Variants in ASB9 observed in about 807,000 individuals in gnomAD.
ASB9 encodes ankyrin repeat and SOCS box containing 9, also known as ankyrin repeat and SOCS box protein 9.
Under a neutral mutation model 16.6 loss-of-function variants are expected in ASB9, and 5 were observed. The observed-to-expected ratio is 0.30, with a 90% confidence interval of 0.16 to 0.63. ASB9 has a LOEUF of 0.63. Ranked by LOEUF, ASB9 falls within the 30% of genes least tolerant of loss-of-function variation. The pLI is 0.82. For synonymous variants in ASB9, 100 were observed against 86.4 expected (o/e 1.16, Z -0.87); for missense variants, 216 against 229.4 (o/e 0.94, Z 0.38).
chrX:15,246,304 C>T (rs781073363), intron 6 of ASB9, among the ~76,000 whole-genome samples: 38 of 112,048 alleles, frequency 3.4e-4, no homozygotes, highest in African/African-American at 1.1e-3. Flanking sequence ...AGCTTCAAGT[C>T]CATAGACACA....
chrX:15,258,083 T>C (rs1925719746), intron 2 of ASB9, among the ~76,000 whole-genome samples: 1 of 112,053 alleles, frequency 8.9e-6, no homozygotes. Context: ...TACTGTATCA[T>C]GTCACTGAGT....
chrX:15,247,862 C>T (rs983980322), intron 6 of ASB9, among the ~76,000 whole-genome samples: 1 of 111,957 alleles, frequency 8.9e-6, no homozygotes, highest in Admixed American at 9.5e-5. Flanking sequence ...ACTGCAAGTA[C>T]CCTGGGGCAG....
rs962573499 is a variant in ASB9 at position 15,267,644 on chromosome X, G to A, written c.94+2137C>T. Reference sequence around the variant, plus strand: ...TGTAATCCCAGCTACTCAGGAGGCTGAGGCAGGAAAGTCGCTTGAACACGG... The same window carrying A: ...TGTAATCCCAGCTACTCAGGAGGCTAAGGCAGGAAAGTCGCTTGAACACGG... On this transcript the variant is annotated intron_variant, in intron 1 of 6. Coordinates refer to ENST00000380488, the MANE Select transcript of ASB9 (RefSeq NM_001031739.3). 7.1e-5 allele frequency among the ~76,000 whole-genome samples: 7 copies of A among 98,731 alleles called. No individual in the cohort carries two copies. In the Admixed American group the frequency reaches 7.9e-4, roughly 11 times the overall value. The allele number at this position is 98,731 out of a possible 115,157, so 85.7% of individuals were successfully genotyped here. A position where few individuals can be genotyped will look rare whatever the true frequency, so the allele number is the denominator to read the frequency against.
In ASB9 at chrX:15,262,599, CAATT is replaced by C. The variant is rs758598416; in HGVS notation, c.95-3658_95-3655del. Reference sequence around the variant, plus strand: ...ATTATGTGAAAATTTACAGTAGTGACAATTAATAATTTAACATTTTTCTTTGTGT... The same window carrying C: ...ATTATGTGAAAATTTACAGTAGTGACAATAATTTAACATTTTTCTTTGTGT... On this transcript the variant is annotated intron_variant, in intron 1 of 6. Coordinates refer to ENST00000380488, the MANE Select transcript of ASB9 (RefSeq NM_001031739.3). Among the ~76,000 whole-genome samples, 3 of 112,753 alleles carry C rather than the reference CAATT, an allele frequency of 2.7e-5. No homozygotes were observed. In the East Asian group the frequency reaches 8.3e-4, roughly 31 times the overall value.
chrX:15,248,061 ACTGAG>A (rs777304789), intron 6 of ASB9, among the ~76,000 whole-genome samples: 71 of 112,229 alleles, frequency 6.3e-4, no homozygotes, highest in Admixed American at 6.0e-3. Flanking sequence ...GAAAAGAAGT[ACTGAG>A]CTGGTTTCTC....
At chrX:15,263,177 G>A (rs2147655690) in intron 1 of ASB9, among the ~76,000 whole-genome samples, 1 of 111,525 alleles carries the variant, frequency 9.0e-6, no homozygotes, top group South Asian at 3.8e-4. Context: ...GAGAACCCCA[G>A]TGAATGCTGG....
At chrX:15,252,551 G>A in intron 3 of ASB9, 147 bp from the exon 4 acceptor site, 3 of 607,191 alleles carry the variant, frequency 4.9e-6, no homozygotes, top group Non-Finnish European at 7.2e-6. Flanking sequence ...AAATTCCACA[G>A]GTTTTTGTGA....
At chrX:15,259,874 T>C (rs1223967968) in intron 1 of ASB9, among the ~76,000 whole-genome samples, 1 of 112,344 alleles carries the variant, frequency 8.9e-6, no homozygotes, top group Non-Finnish European at 1.9e-5. Context: ...ATATAAAACA[T>C]AAATGCATTT....
intron 1 of ASB9, among the ~76,000 whole-genome samples, chrX:15,262,424 A>G (rs926366116): frequency 2.7e-5 from 3 of 111,894 alleles, no homozygotes; most frequent in Non-Finnish European, 5.6e-5. Context: ...CCCTTCTAAC[A>G]TAAAGTCATT....
chrX:15,250,766 G>T (rs1925050258), intron 4 of ASB9, among the ~76,000 whole-genome samples: 1 of 111,788 alleles, frequency 8.9e-6, no homozygotes, highest in Non-Finnish European at 1.9e-5. Flanking sequence ...CTGTCCCCCA[G>T]GCTGGAGTGC....
intron 4 of ASB9, 49 bp downstream of exon 4, chrX:15,252,205 G>C (rs1925173079): frequency 8.9e-7 from 1 of 1,117,850 alleles, no homozygotes; most frequent in African/African-American, 1.8e-5. Flanking sequence ...TCAGCAGTAA[G>C]ATGTCCCTTG....
chrX:15,249,012 C>A, intron 5 of ASB9, 77 bp from the exon 6 acceptor site: 1 of 1,001,258 alleles, frequency 1.0e-6, no homozygotes, highest in Non-Finnish European at 1.3e-6. Flanking sequence ...GCCCCGAGCC[C>A]CAAAATTTCC....
chrX:15,254,617 A>G (rs1032769529), intron 3 of ASB9, 120 bp downstream of exon 3: 1 of 567,139 alleles, frequency 1.8e-6, no homozygotes, highest in Non-Finnish European at 2.9e-6. Context: ...ATTTTCTTGA[A>G]AAACAACTGT....
chrX:15,267,417 A>AATATATATATAT (rs1555934602), intron 1 of ASB9, among the ~76,000 whole-genome samples: 2 of 78,029 alleles, frequency 2.6e-5, no homozygotes, highest in African/African-American at 1.0e-4. Context: ...CTAAAAAAAA[A>AATATATATATAT]ATATATATAT....
intron 1 of ASB9, among the ~76,000 whole-genome samples, chrX:15,265,604 C>A (rs1225587173): frequency 9.3e-6 from 1 of 107,448 alleles, no homozygotes; most frequent in Non-Finnish European, 1.9e-5. Context: ...GGCCCCCACC[C>A]CAGGCCTACG....
At chrX:15,256,405 C>T (rs1468326545) in intron 2 of ASB9, among the ~76,000 whole-genome samples, 1 of 98,178 alleles carries the variant, frequency 1.0e-5, no homozygotes, top group Non-Finnish European at 2.0e-5. Flanking sequence ...GCAAGCTCCA[C>T]CTCCTGGGTT....
In ASB9 at chrX:15,262,231, A is replaced by G. The variant is rs1297941606; in HGVS notation, c.95-3286T>C. On this transcript the variant is annotated intron_variant, in intron 1 of 6. Transcript: ENST00000380488. ...TTTGTGTCATTTCTACTTCTTGCCT[A>G]TTATGAATAATGCTGCTATAAACAT... Among the ~76,000 whole-genome samples, 3 of 108,574 alleles carry G rather than the reference A, an allele frequency of 2.8e-5. No homozygotes were observed. In the Admixed American group the frequency reaches 3.0e-4, roughly 11 times the overall value. 94.3% of individuals were successfully genotyped at this position (108,574 alleles called of 115,157 possible).
At chrX:15,266,935 CAAAAAAAAA>C (rs34454817) in intron 1 of ASB9, among the ~76,000 whole-genome samples, 1 of 78,427 alleles carries the variant, frequency 1.3e-5, no homozygotes, top group Non-Finnish European at 2.5e-5. Context: ...GACTCCATCT[CAAAAAAAAA>C]AAAAAAAAAG....
intron 3 of ASB9, among the ~76,000 whole-genome samples, chrX:15,254,472 A>G (rs951761183): frequency 8.9e-5 from 10 of 112,450 alleles, no homozygotes; most frequent in African/African-American, 2.9e-4. Flanking sequence ...CCTTCCGGCC[A>G]TAACAATGAA....
Sources: gnomAD v4.1 joint callset for allele counts (sites outside exome capture counted in the v4.1 genomes callset) on GRCh38, gnomAD v4.1.1 for gene constraint, MANE v1.5 for transcripts, NCBI Gene and HGNC (gene_info 2026-07-23, HGNC 2026-07-21) for gene names.